Variants in KMT2A observed in about 807,000 individuals in gnomAD.
KMT2A encodes histone-lysine N-methyltransferase 2A.
In KMT2A, 16 loss-of-function variants were observed where a neutral mutation model predicts 345.3. That is an observed-to-expected ratio of 0.05 (90% confidence interval 0.03 to 0.07). KMT2A has a LOEUF of 0.07. Among genes scored for constraint, KMT2A ranks in the 10% least tolerant of loss-of-function variants. The probability of loss-of-function intolerance (pLI) is 1.00; values close to 1 mark genes in which losing one functional copy is unlikely to be tolerated. For missense variants in KMT2A, 3,272 were observed against 4,841.6 expected (o/e 0.68, Z 9.62); for synonymous variants, 1,599 against 1,778.6 (o/e 0.90, Z 2.54).
chr11:118,438,877 C>A (rs1949256037), intron 1 of KMT2A: 1 of 337,554 alleles, frequency 3.0e-6, no homozygotes, highest in Non-Finnish European at 5.9e-6. Flanking sequence ...CTGCAGCGTC[C>A]CCTTTCCCTG....
rs1950993182 is a variant in KMT2A at position 118,522,531 on chromosome 11, A to T, written c.*359A>T. ...AATTTCTCCACAGAAATAAGTTGCC[A>T]TCCTCAGGTTGGCCCTTTCCCAAGC... On this transcript the variant is annotated 3_prime_UTR_variant, in exon 36 of 36. Transcript: ENST00000534358. This position sits in a 1 kb window ranked among gnomAD's most constrained non-coding sequence, Gnocchi z 5.4. 1 of 286,584 alleles carries T rather than the reference A, an allele frequency of 3.5e-6. No individual in the cohort carries two copies. Among genetic ancestry groups the T allele is most frequent in the South Asian group, 8.4e-5 (1 of 11,904 alleles). 17.8% of individuals were successfully genotyped at this position (286,584 alleles called of 1,614,324 possible). A position where few individuals can be genotyped will look rare whatever the true frequency, so the allele number is the denominator to read the frequency against.
Position 118,476,767 on chromosome 11 carries a change from G to A in KMT2A, c.3157-38G>A, listed in dbSNP as rs782353352. The stretch of plus-strand genomic sequence containing the variant: ...CTTCGTTCAGTTATAATTTCAACAT[G>A]TATGGTTGTTATTGTTTTTGGATTG... On this transcript the variant is annotated intron_variant, in intron 3 of 35. Transcript: ENST00000534358. This position sits in a 1 kb window ranked among gnomAD's most constrained non-coding sequence, Gnocchi z 4.1. 3 of 1,562,734 alleles carry A rather than the reference G, an allele frequency of 1.9e-6. No homozygotes were observed. Among genetic ancestry groups the A allele is most frequent in the African/African-American group, 2.7e-5 (2 of 73,444 alleles).
intron 1 of KMT2A, among the ~76,000 whole-genome samples, chr11:118,438,499 C>T (rs1392655782): frequency 1.9e-5 from 2 of 104,650 alleles, no homozygotes; most frequent in Non-Finnish European, 3.8e-5. Context: ...GGGGCTGAAG[C>T]GAAGGGGGGT....
chr11:118,516,274 T>C (rs1950811988), intron 31 of KMT2A, among the ~76,000 whole-genome samples: 1 of 152,188 alleles, frequency 6.6e-6, no homozygotes, highest in African/African-American at 2.4e-5. Context: ...ATCTGGAATC[T>C]CTTGATGAGG....
intron 5 of KMT2A, among the ~76,000 whole-genome samples, chr11:118,479,199 T>G (rs782673676): frequency 6.6e-6 from 1 of 152,234 alleles, no homozygotes; most frequent in Admixed American, 6.5e-5. Flanking sequence ...ATTCATTCTT[T>G]CTGATTATTT....
Position 118,522,669 on chromosome 11 carries a change from G to C in KMT2A, c.*497G>C. On this transcript the variant is annotated 3_prime_UTR_variant, in exon 36 of 36. Coordinates refer to ENST00000534358, the MANE Select transcript of KMT2A (RefSeq NM_001197104.2). This position sits in a 1 kb window ranked among gnomAD's most constrained non-coding sequence, Gnocchi z 5.4. ...CTGTCGAACAAACAGAGGTCTGGTG[G>C]TTTTCCCTACTATCCTCCCACTCGA... The C allele has an allele frequency of 4.5e-6, 1 of 223,832 alleles. No individual in the cohort carries two copies. Among genetic ancestry groups the C allele is most frequent in the South Asian group, 1.7e-4 (1 of 5,988 alleles). The allele number at this position is 223,832 out of a possible 1,614,324, so 13.9% of individuals were successfully genotyped here.
Position 118,521,222 on chromosome 11 carries a change from A to G in KMT2A, c.11514-66A>G. ...ACTAACAGACCAGGAGAACTTATTC[A>G]TGTATTCACGCACTTAACCTTACTT... On this transcript the variant is annotated intron_variant, in intron 34 of 35. Transcript: ENST00000534358. The surrounding 1 kb of genome is among the most constrained non-coding windows in gnomAD (Gnocchi z 5.3). The G allele has an allele frequency of 3.9e-6, 6 of 1,538,476 alleles. No homozygotes were observed. Among genetic ancestry groups the G allele is most frequent in the African/African-American group, 1.4e-5 (1 of 73,326 alleles).
intron 6 of KMT2A, among the ~76,000 whole-genome samples, chr11:118,480,610 T>C (rs1950113990): frequency 6.6e-6 from 1 of 152,174 alleles, no homozygotes; most frequent in Non-Finnish European, 1.5e-5. Flanking sequence ...TTCTATTTTT[T>C]AAATGTATTT....
chr11:118,488,549 A>G, intron 10 of KMT2A, 65 bp from the exon 11 acceptor site: 2 of 1,536,538 alleles, frequency 1.3e-6, no homozygotes, highest in Non-Finnish European at 1.8e-6. Context: ...TAAGAAGGGT[A>G]TGGTTGATTA....
intron 1 of KMT2A, among the ~76,000 whole-genome samples, chr11:118,462,787 C>T (rs1364355248): frequency 6.6e-6 from 1 of 152,186 alleles, no homozygotes; most frequent in Non-Finnish European, 1.5e-5. Flanking sequence ...TGGTCTCGAT[C>T]TCCTGACTTT....
intron 1 of KMT2A, chr11:118,449,585 CAAAAA>C (rs532991008): frequency 4.4e-5 from 3 of 67,658 alleles, no homozygotes; most frequent in Non-Finnish European, 9.2e-5. Flanking sequence ...GACTCCATCT[CAAAAA>C]AAAAAAAAAA....
At position 118,480,267 on chromosome 11, in the gene KMT2A, A is replaced by T. The variant is rs575841329; in HGVS notation, c.3634+29A>T. ...GTGTTGTTAAAAAGGTCTTCCCCCA[A>T]ATGCTCCTTGCTTAAATGGTGTATA... On this transcript the variant is annotated intron_variant, in intron 6 of 35. Transcript: ENST00000534358. 16 of 1,583,932 alleles carry T rather than the reference A, an allele frequency of 1.0e-5. No individual in the cohort carries two copies. The African/African-American group carries it at 2.2e-4, about 21-fold the overall frequency.
chr11:118,525,647 A>C lies in KMT2A; in HGVS notation c.*3475A>C, dbSNP rs992855751. The C allele has an allele frequency of 2.2e-5, 5 of 229,576 alleles. No homozygotes were observed. Among genetic ancestry groups the C allele is most frequent in the Non-Finnish European group, 3.5e-5 (4 of 115,932 alleles). 14.2% of individuals were successfully genotyped at this position (229,576 alleles called of 1,614,324 possible). On this transcript the variant is annotated 3_prime_UTR_variant, in exon 36 of 36. Coordinates refer to ENST00000534358, the MANE Select transcript of KMT2A (RefSeq NM_001197104.2). The stretch of plus-strand genomic sequence containing the variant: ...GAAAAAAAAATACAACACACACACA[A>C]AAATAAAAAAAATATTCTAATGAAT...
chr11:118,498,483 T>G lies in KMT2A; in HGVS notation c.5916T>G (p.Asp1972Glu), dbSNP rs150465296. ...CCAAGAACTGTGTCTTTCTGGATGA[T>G]AAAAAAGTATATTGCCAACGACATC... ...SRAKNCVFLDDKKVYCQRHRD... is the reference protein window; with the variant it reads ...SRAKNCVFLDEKKVYCQRHRD... Residue 1972 changes from aspartate to glutamate, a missense_variant, in exon 22 of 36, where the codon GAT becomes GAG. Coordinates refer to ENST00000534358, the MANE Select transcript of KMT2A (RefSeq NM_001197104.2). This position sits in a 1 kb window ranked among gnomAD's most constrained non-coding sequence, Gnocchi z 4.4. 6.2e-7 allele frequency: 1 copy of G among 1,610,808 alleles called. No homozygotes were observed. Among genetic ancestry groups the G allele is most frequent in the African/African-American group, 1.4e-5 (1 of 73,734 alleles).
chr11:118,468,895 T>C (rs1949895388), intron 2 of KMT2A, 51 bp downstream of exon 2: 1 of 1,457,632 alleles, frequency 6.9e-7, no homozygotes, highest in Non-Finnish European at 9.6e-7. Flanking sequence ...TGTTAGGAGA[T>C]TGTGGCTTCC....
At chr11:118,465,270 C>T (rs951991648) in intron 1 of KMT2A, among the ~76,000 whole-genome samples, 1 of 151,980 alleles carries the variant, frequency 6.6e-6, no homozygotes, top group Non-Finnish European at 1.5e-5. Flanking sequence ...TGAAGGGCAC[C>T]CATTTTTCTT....
chr11:118,436,775 C>G lies in KMT2A; in HGVS notation c.263C>G (p.Ser88Cys). The G allele has an allele frequency of 1.2e-6, 2 of 1,604,666 alleles. No individual in the cohort carries two copies. The highest frequency in any genetic ancestry group is 1.7e-6 in the Non-Finnish European group (2 of 1,176,016). ...AAAASAASSS[S>C]ASSSSSSSSS... Reference sequence around the variant, plus strand: ...GCCGCCTCAGCAGCCTCCTCGTCGTCCGCCTCGTCTTCGTCTTCGTCATCG... The same window carrying G: ...GCCGCCTCAGCAGCCTCCTCGTCGTGCGCCTCGTCTTCGTCTTCGTCATCG... The change falls in exon 1 of 36, where the codon TCC (serine) becomes TGC (cysteine). Residue 88 changes from serine to cysteine, a missense_variant. Ser to Cys is a moderately radical substitution (Grantham distance 112). Coordinates refer to ENST00000534358, the MANE Select transcript of KMT2A (RefSeq NM_001197104.2). This position sits in a 1 kb window ranked among gnomAD's most constrained non-coding sequence, Gnocchi z 6.9.
intron 1 of KMT2A, among the ~76,000 whole-genome samples, chr11:118,463,348 T>C (rs1253936549): frequency 6.6e-6 from 1 of 152,202 alleles, no homozygotes; most frequent in Non-Finnish European, 1.5e-5. Context: ...CTGTCAATCA[T>C]TGTAGCATTT....
At chr11:118,470,701 C>A (rs1555035261) in intron 2 of KMT2A, among the ~76,000 whole-genome samples, 1 of 152,138 alleles carries the variant, frequency 6.6e-6, no homozygotes, top group African/African-American at 2.4e-5. Context: ...AAATGTTCAT[C>A]TCTTTTGGTG....
Sources: gnomAD v4.1 joint callset for allele counts (sites outside exome capture counted in the v4.1 genomes callset) on GRCh38, gnomAD v4.1.1 for gene constraint, Gnocchi (gnomAD v3.1) non-coding constraint, MANE v1.5 for transcripts, NCBI Gene and HGNC (gene_info 2026-07-23, HGNC 2026-07-21) for gene names.